GALNT13: variants seen among roughly 807,000 people sequenced by gnomAD.
GALNT13 encodes polypeptide N-acetylgalactosaminyltransferase 13.
Under a neutral mutation model 64.2 loss-of-function variants are expected in GALNT13, and 28 were observed. The observed-to-expected ratio is 0.44, with a 90% confidence interval of 0.32 to 0.60. The LOEUF (loss-of-function observed/expected upper bound fraction) is 0.60. Ranked by LOEUF, GALNT13 falls within the 20% of genes least tolerant of loss-of-function variation. The pLI is 0.05. For synonymous variants in GALNT13, 214 were observed against 224.6 expected (o/e 0.95, Z 0.42); for missense variants, 577 against 669.8 (o/e 0.86, Z 1.53).
chr2:153,313,958 C>G, the GALNT13 span, among the ~76,000 whole-genome samples: 1 of 151,756 alleles, frequency 6.6e-6, no homozygotes, highest in Non-Finnish European at 1.5e-5. Context: ...TCCAGTTATA[C>G]CCTTTTCTGT....
the GALNT13 span, among the ~76,000 whole-genome samples, chr2:153,077,892 A>C: frequency 6.6e-6 from 1 of 152,238 alleles, no homozygotes; most frequent in African/African-American, 2.4e-5. Flanking sequence ...ATTTTGCTTT[A>C]ACAAATCAAA....
chr2:153,667,323 C>T, the GALNT13 span, among the ~76,000 whole-genome samples: 1 of 152,122 alleles, frequency 6.6e-6, no homozygotes, highest in Non-Finnish European at 1.5e-5. Flanking sequence ...ATCCCTAAGA[C>T]ACATACTCAT....
chr2:153,905,681 A>C (rs1234932228), intron 2 of GALNT13, among the ~76,000 whole-genome samples: 1 of 151,952 alleles, frequency 6.6e-6, no homozygotes, highest in Non-Finnish European at 1.5e-5. Context: ...TTTCTTCACA[A>C]TTTCAAGGAC....
the GALNT13 span, among the ~76,000 whole-genome samples, chr2:153,691,232 T>C: frequency 1.3e-5 from 2 of 152,212 alleles, no homozygotes; most frequent in African/African-American, 4.8e-5. Context: ...TTATGTATTA[T>C]ATATTTTCAC....
intron 9 of GALNT13, among the ~76,000 whole-genome samples, chr2:154,334,926 G>A (rs1695357167): frequency 6.6e-6 from 1 of 151,996 alleles, no homozygotes. Flanking sequence ...TTCCTAGACA[G>A]CATCATACTC....
At chr2:153,202,416 T>C in the GALNT13 span, among the ~76,000 whole-genome samples, 1 of 152,198 alleles carries the variant, frequency 6.6e-6, no homozygotes, top group Non-Finnish European at 1.5e-5. Context: ...AATAACATGC[T>C]TGGAAGCAGT....
intron 1 of GALNT13, among the ~76,000 whole-genome samples, chr2:153,885,231 G>T (rs2105251889): frequency 6.6e-6 from 1 of 152,004 alleles, no homozygotes; most frequent in South Asian, 2.1e-4. Flanking sequence ...GCTCTTACTT[G>T]CTCTGGGTCT....
the GALNT13 span, among the ~76,000 whole-genome samples, chr2:153,764,094 A>G: frequency 2.0e-5 from 3 of 152,176 alleles, no homozygotes; most frequent in Non-Finnish European, 4.4e-5. Flanking sequence ...AAGATGAGGA[A>G]CTTGTTGGGA....
chr2:153,628,358 C>G, the GALNT13 span, among the ~76,000 whole-genome samples: 1 of 151,994 alleles, frequency 6.6e-6, no homozygotes, highest in African/African-American at 2.4e-5. Flanking sequence ...GCCGAATTGC[C>G]CTGGCTAGAA....
At chr2:153,183,124 A>T in the GALNT13 span, among the ~76,000 whole-genome samples, 1 of 152,044 alleles carries the variant, frequency 6.6e-6, no homozygotes, top group Non-Finnish European at 1.5e-5. Context: ...TTTCTTCATA[A>T]CCTCACCAGC....
At chr2:154,290,156 C>A (rs780516622) in intron 8 of GALNT13, among the ~76,000 whole-genome samples, 4 of 152,160 alleles carry the variant, frequency 2.6e-5, no homozygotes, top group Non-Finnish European at 5.9e-5. Context: ...GAAAAATATG[C>A]AGGGAGAGCC....
chr2:153,076,209 CT>C, the GALNT13 span, among the ~76,000 whole-genome samples: 20 of 152,092 alleles, frequency 1.3e-4, no homozygotes, highest in African/African-American at 4.6e-4. Flanking sequence ...GATTTATATA[CT>C]TTGCATTGCT....
the GALNT13 span, among the ~76,000 whole-genome samples, chr2:153,299,634 G>T: frequency 6.6e-6 from 1 of 152,046 alleles, no homozygotes; most frequent in Admixed American, 6.6e-5. Flanking sequence ...TTTCTCTTTG[G>T]AAAACCCAAT....
the GALNT13 span, among the ~76,000 whole-genome samples, chr2:153,724,290 A>G: frequency 2.1e-5 from 3 of 140,848 alleles, no homozygotes; most frequent in Non-Finnish European, 4.5e-5. Flanking sequence ...CTTACACCTT[A>G]TACAAAAATC....
the GALNT13 span, among the ~76,000 whole-genome samples, chr2:153,236,364 A>G: frequency 3.3e-5 from 5 of 152,264 alleles, no homozygotes; most frequent in African/African-American, 1.2e-4. Context: ...ACAGCTTTAT[A>G]TTGGAAAAAG....
intron 9 of GALNT13, among the ~76,000 whole-genome samples, chr2:154,318,969 A>C (rs1270753403): frequency 6.6e-6 from 1 of 152,146 alleles, no homozygotes; most frequent in Non-Finnish European, 1.5e-5. Context: ...TGAACTGGTA[A>C]GTAAAGACTA....
At chr2:154,250,280 CTT>C (rs1343739678) in intron 7 of GALNT13, among the ~76,000 whole-genome samples, 1 of 152,046 alleles carries the variant, frequency 6.6e-6, no homozygotes, top group African/African-American at 2.4e-5. Flanking sequence ...TGAGCCATCT[CTT>C]TTAGAATTTG....
intron 3 of GALNT13, among the ~76,000 whole-genome samples, chr2:153,966,219 C>CTTTTTTTTTTTT: frequency 8.3e-6 from 1 of 120,116 alleles, no homozygotes; most frequent in Non-Finnish European, 1.7e-5. Context: ...GGTTGGATTT[C>CTTTTTTTTTTTT]TTTTTTTTTT....
At chr2:153,840,644 G>A in the GALNT13 span, among the ~76,000 whole-genome samples, 1 of 152,150 alleles carries the variant, frequency 6.6e-6, no homozygotes, top group Non-Finnish European at 1.5e-5. Flanking sequence ...AACCACAAAG[G>A]ACAGTAGAAA....
Sources: gnomAD v4.1 joint callset for allele counts (sites outside exome capture counted in the v4.1 genomes callset) on GRCh38, gnomAD v4.1.1 for gene constraint, MANE v1.5 for transcripts, NCBI Gene and HGNC (gene_info 2026-07-23, HGNC 2026-07-21) for gene names.